Variants in ANKS6 observed in about 807,000 individuals in gnomAD.
ANKS6 encodes the protein ankyrin repeat and SAM domain-containing protein 6.
In ANKS6, 47 loss-of-function variants were observed where a neutral mutation model predicts 77.9. That is an observed-to-expected ratio of 0.60 (90% CI 0.48 to 0.77). The LOEUF (loss-of-function observed/expected upper bound fraction) is 0.77, where lower values mean the gene tolerates loss of function less well. ANKS6 is among the 30% of genes least tolerant of loss of function. The pLI is 0.00. For missense variants in ANKS6, 1,150 were observed against 1,159.1 expected, an observed-to-expected ratio of 0.99 and a Z score of 0.11; for synonymous variants, 488 against 501.7, an observed-to-expected ratio of 0.97 and a Z score of 0.37.
At chr9:98,779,846 T>A (rs529664354) in intron 6 of ANKS6, among the ~76,000 whole-genome samples, 8 of 152,170 alleles carry the variant, frequency 5.3e-5, no homozygotes, top group Non-Finnish European at 8.8e-5. Flanking sequence ...GTATTTTTAG[T>A]AGAGACGGGG....
At chr9:98,768,040 A>G (rs924557812) in intron 11 of ANKS6, 41 bp downstream of exon 11, 2 of 1,568,832 alleles carry the variant, frequency 1.3e-6, no homozygotes, top group Admixed American at 3.8e-5. Flanking sequence ...TTAGAACAGA[A>G]TCTGTGAGTG....
At chr9:98,782,421 A>G (rs1434409915) in intron 5 of ANKS6, 46 bp downstream of exon 5, 3 of 1,560,808 alleles carry the variant, frequency 1.9e-6, no homozygotes, top group Non-Finnish European at 1.8e-6. Flanking sequence ...CTCCCAGTCC[A>G]AGAAACGCTG....
chr9:98,794,542 A>G (rs1835075075), intron 1 of ANKS6, among the ~76,000 whole-genome samples: 1 of 152,202 alleles, frequency 6.6e-6, no homozygotes, highest in Non-Finnish European at 1.5e-5. Context: ...ACAGGCAGAG[A>G]TGCTACCTGA....
At position 98,732,597 on chromosome 9, in the gene ANKS6, G is replaced by C; in HGVS notation, c.*3922C>G. 1 of 1,550,332 alleles carries C rather than the reference G, an allele frequency of 6.5e-7. No individual in the cohort carries two copies. ...GAGAGAAGAAAGAGAGATGAGAGAT[G>C]AAAGGATTTAAAATGGGCAACCATC... On this transcript the variant is annotated 3_prime_UTR_variant, in exon 15 of 15. Transcript: ENST00000353234.
chr9:98,735,871 C>A lies in ANKS6; in HGVS notation c.*648G>T. ...TGCTACAGCAGTCACATACACAGCA[C>A]TAAGGGACCCAGTGGCTGAAAGGGG... On this transcript the variant is annotated 3_prime_UTR_variant, in exon 15 of 15. Transcript: ENST00000353234. 1 of 1,232,402 alleles carries A rather than the reference C, an allele frequency of 8.1e-7. No individual in the cohort carries two copies. Among genetic ancestry groups the A allele is most frequent in the Non-Finnish European group, 1.0e-6 (1 of 988,646 alleles). The allele number at this position is 1,232,402 out of a possible 1,614,324, so 76.3% of individuals were successfully genotyped here.
chr9:98,780,825 T>C (rs1026560442), intron 5 of ANKS6, among the ~76,000 whole-genome samples: 5 of 152,038 alleles, frequency 3.3e-5, no homozygotes, highest in South Asian at 2.1e-4. Flanking sequence ...AACTCAGTTA[T>C]ATAAAAAAAG....
intron 5 of ANKS6, among the ~76,000 whole-genome samples, chr9:98,780,718 C>A (rs1229318455): frequency 6.6e-6 from 1 of 152,150 alleles, no homozygotes; most frequent in African/African-American, 2.4e-5. Context: ...GACATTAATA[C>A]CCACCACATA....
At chr9:98,774,446 A>T (rs889184507) in intron 8 of ANKS6, among the ~76,000 whole-genome samples, 1 of 152,150 alleles carries the variant, frequency 6.6e-6, no homozygotes, top group Non-Finnish European at 1.5e-5. Context: ...GTGGGAACCG[A>T]GCTGAGAACG....
intron 6 of ANKS6, among the ~76,000 whole-genome samples, chr9:98,778,705 GCA>G (rs1381249116): frequency 6.6e-6 from 1 of 152,196 alleles, no homozygotes; most frequent in African/African-American, 2.4e-5. Context: ...TCTCCTCATT[GCA>G]CAGATTGAGA....
chr9:98,775,637 CAACATCAT>C (rs2118065673), intron 8 of ANKS6, among the ~76,000 whole-genome samples: 1 of 22,576 alleles, frequency 4.4e-5, no homozygotes, highest in Non-Finnish European at 1.9e-4. Flanking sequence ...TTATTATATA[CAACATCAT>C]ATCATATTTA....
rs918553505 is a variant in ANKS6 at position 98,735,139 on chromosome 9, C to A, written c.*1380G>T. 1.0e-6 allele frequency: 1 copy of A among 985,454 alleles called. No homozygotes were observed. Among genetic ancestry groups the A allele is most frequent in the Non-Finnish European group, 1.2e-6 (1 of 829,944 alleles). 61.0% of individuals were successfully genotyped at this position (985,454 alleles called of 1,614,324 possible). On this transcript the variant is annotated 3_prime_UTR_variant, in exon 15 of 15. Coordinates refer to ENST00000353234, the MANE Select transcript of ANKS6 (RefSeq NM_173551.5). The stretch of plus-strand genomic sequence containing the variant: ...TGTGCAGCCTACCATCGACTGGGTA[C>A]TTCCTGCAGACCCAGCACTTTGGGC...
chr9:98,777,377 A>G (rs1368273435), intron 8 of ANKS6, 28 bp downstream of exon 8: 1 of 1,611,750 alleles, frequency 6.2e-7, no homozygotes, highest in South Asian at 1.1e-5. Context: ...GGAGACCTAA[A>G]ATGCTTTTAG....
At position 98,735,264 on chromosome 9, in the gene ANKS6, T is replaced by A; in HGVS notation, c.*1255A>T. 2 of 989,224 alleles carry A rather than the reference T, an allele frequency of 2.0e-6. No individual in the cohort carries two copies. The highest frequency in any genetic ancestry group is 2.4e-6 in the Non-Finnish European group (2 of 832,614). The allele number at this position is 989,224 out of a possible 1,614,324, so 61.3% of individuals were successfully genotyped here. A position where few individuals can be genotyped will look rare whatever the true frequency, so the allele number is the denominator to read the frequency against. On this transcript the variant is annotated 3_prime_UTR_variant, in exon 15 of 15. Coordinates refer to ENST00000353234, the MANE Select transcript of ANKS6 (RefSeq NM_173551.5). ...TCTGCCCACTCTACCATGCTGCCTC[T>A]CAATGTCGGGACCATCTATTTACAG...
intron 9 of ANKS6, among the ~76,000 whole-genome samples, chr9:98,773,303 CT>C (rs1833739298): frequency 6.6e-6 from 1 of 152,194 alleles, no homozygotes; most frequent in Non-Finnish European, 1.5e-5. Flanking sequence ...AGGGTCAGTC[CT>C]GAATCCCTTC....
At chr9:98,787,191 A>G (rs1159998210) in intron 2 of ANKS6, among the ~76,000 whole-genome samples, 2 of 152,100 alleles carry the variant, frequency 1.3e-5, no homozygotes, top group East Asian at 3.9e-4. Context: ...ATCTGTCATT[A>G]TCAATAGCAC....
rs1183591961 is a variant in ANKS6, at chr9:98,796,137, C to T, written c.355G>A (p.Ala119Thr). Residue 119 changes from alanine to threonine, a missense_variant, in exon 1 of 15, where the codon GCC (alanine) becomes ACC (threonine). Coordinates refer to ENST00000353234, the MANE Select transcript of ANKS6 (RefSeq NM_173551.5). Reference sequence around the variant, plus strand: ...CCCCGGGCCCCGCCGCCTCACCTGGCCGCCTGCATGAGCGCGCTCCAGCCG... The same window carrying T: ...CCCCGGGCCCCGCCGCCTCACCTGGTCGCCTGCATGAGCGCGCTCCAGCCG... ...HYGWSALMQAARFGHVSVAHL... is the reference protein window; with the variant it reads ...HYGWSALMQATRFGHVSVAHL... 4.4e-6 allele frequency: 6 copies of T among 1,378,134 alleles called. No homozygotes were observed. The highest frequency in any genetic ancestry group is 3.1e-5 in the East Asian group (1 of 32,322). The allele number at this position is 1,378,134 out of a possible 1,614,324, so 85.4% of individuals were successfully genotyped here. A position where few individuals can be genotyped will look rare whatever the true frequency, so the allele number is the denominator to read the frequency against.
intron 2 of ANKS6, chr9:98,789,802 T>G: frequency 3.0e-6 from 1 of 330,080 alleles, no homozygotes; most frequent in Non-Finnish European, 5.5e-6. Context: ...TGCCAAACCT[T>G]GTTGTAGAAG....
chr9:98,767,578 G>A (rs1833370950), intron 11 of ANKS6, among the ~76,000 whole-genome samples: 2 of 152,210 alleles, frequency 1.3e-5, no homozygotes, highest in African/African-American at 4.8e-5. Flanking sequence ...CAGGCACAGA[G>A]CAGATGCTCC....
chr9:98,772,310 G>C (rs1318700064), intron 9 of ANKS6, among the ~76,000 whole-genome samples: 1 of 152,216 alleles, frequency 6.6e-6, no homozygotes, highest in Admixed American at 6.5e-5. Context: ...GCCGAGACTG[G>C]AGTGATGCAG....
Sources: allele counts gnomAD v4.1 joint callset (sites outside exome capture counted in the v4.1 genomes callset), GRCh38; gene constraint gnomAD v4.1.1; transcripts MANE v1.5; gene names NCBI Gene and HGNC (gene_info 2026-07-23, HGNC 2026-07-21).